The following CELA3B variants were observed in gnomAD, a reference collection of about 807,000 sequenced individuals.
The protein encoded by CELA3B is chymotrypsin-like elastase family member 3B.
In CELA3B, 34 loss-of-function variants were observed where a neutral mutation model predicts 37.2. The ratio of observed to expected loss-of-function variants is 0.91; its 90% CI spans 0.70 to 1.22. The LOEUF (loss-of-function observed/expected upper bound fraction) is 1.22, where lower values mean the gene tolerates loss of function less well. CELA3B is among the 50% of genes most tolerant of loss of function. CELA3B has a pLI of 0.00. For synonymous variants in CELA3B, 127 were observed against 143.5 expected (o/e 0.89, Z 0.82); for missense variants, 340 against 363.1 (o/e 0.94, Z 0.52).
chr1:21,991,594 C>T (rs539307906), downstream of CELA3B, among the ~76,000 whole-genome samples: 12 of 151,042 alleles, frequency 7.9e-5, no homozygotes, highest in Middle Eastern at 3.4e-3. Flanking sequence ...CCTTGGCCTC[C>T]CAAAGTGCTG....
chr1:21,986,255 G>C (rs1013905199), intron 6 of CELA3B, among the ~76,000 whole-genome samples: 1 of 151,902 alleles, frequency 6.6e-6, no homozygotes, highest in Non-Finnish European at 1.5e-5. Context: ...TGTAATCCCA[G>C]CTACTTAGGA....
At position 21,984,255 on chromosome 1, in the gene CELA3B, C is replaced by G. The variant is rs749903508; in HGVS notation, c.566C>G (p.Ser189Cys). 1 of 1,614,164 alleles carries G rather than the reference C, an allele frequency of 6.2e-7. No individual in the cohort carries two copies. The highest frequency in any genetic ancestry group is 1.1e-5 in the South Asian group (1 of 91,080). Residue 189 changes from serine to cysteine, a missense_variant, in exon 6 of 8, where the codon TCC (serine) becomes TGC (cysteine). By Grantham distance (112) the Ser-to-Cys change is moderately radical (BLOSUM62 -1). Coordinates refer to ENST00000337107, the MANE Select transcript of CELA3B (RefSeq NM_007352.4). ...CCGGTGGTGGACTATGAACACTGCT[C>G]CAGGTGGAACTGGTGGGGTTCCTCC... Reference protein sequence around the residue: ...LLPVVDYEHCSRWNWWGSSVK... With the variant: ...LLPVVDYEHCCRWNWWGSSVK...
At position 21,998,327 on chromosome 1, in the gene CELA3B, C is replaced by G. The variant is rs1328450263; in HGVS notation, c.*138C>G. 4.0e-5 allele frequency: 17 copies of G among 424,234 alleles called. 1 individual carries two copies. In the East Asian group the frequency reaches 1.1e-3, roughly 27 times the overall value. The allele number at this position is 424,234 out of a possible 1,614,324, so 26.3% of individuals were successfully genotyped here. ...CCTTTAGTTCTTCACTGAGTGCCCA[C>G]TGGGTTATATTCTGGGAGCCGAGGC... On this transcript the variant is annotated 3_prime_UTR_variant, in exon 5 of 5. Transcript: ENST00000400277.
At chr1:21,985,452 A>AT (rs1419200894) in intron 6 of CELA3B, among the ~76,000 whole-genome samples, 1 of 151,926 alleles carries the variant, frequency 6.6e-6, no homozygotes. Flanking sequence ...TAATTTTAAA[A>AT]TTTTTTGTAG....
At chr1:21,987,112 A>T (rs1644843084) in intron 7 of CELA3B, 1 of 363,856 alleles carries the variant, frequency 2.7e-6, no homozygotes, top group South Asian at 2.2e-5. Context: ...GAGGACTAAT[A>T]ACACTCCTGA....
In CELA3B at chr1:21,989,087, C is replaced by T. The variant is rs548248016; in HGVS notation, c.796-175C>T. On this transcript the variant is annotated intron_variant, in intron 7 of 7. Coordinates refer to ENST00000337107, the MANE Select transcript of CELA3B (RefSeq NM_007352.4). ...TTAACAATTTAATCAAGAACCCCCC[C>T]ATGAGGTAAGTTCTATCATTATCCC... 3.9e-5 allele frequency among the ~76,000 whole-genome samples: 6 copies of T among 152,050 alleles called. No homozygotes were observed. In the South Asian group the frequency reaches 1.2e-3, roughly 32 times the overall value.
Position 21,983,816 on chromosome 1 carries a change from G to A in CELA3B, c.485G>A (p.Trp162Ter), listed in dbSNP as rs1377879790. The change falls in exon 5 of 8, where the codon TGG becomes TAG. Residue 162 changes from tryptophan to a stop codon, truncating the protein, a stop_gained. Transcript: ENST00000337107. LOFTEE classifies it high-confidence loss of function. ...PNETPCYITG[W>*]GRLYTNGPLP... ...GAGACACCCTGCTACATCACCGGCT[G>A]GGGCCGTCTCTATAGTACGTGCTGA... is the stretch of plus-strand genomic sequence containing the variant. 2.5e-6 allele frequency: 4 copies of A among 1,614,032 alleles called. No homozygotes were observed. The highest frequency in any genetic ancestry group is 3.4e-6 in the Non-Finnish European group (4 of 1,179,996).
chr1:21,996,320 C>A (rs1419697651), intron 4 of CELA3B, among the ~76,000 whole-genome samples: 1 of 151,104 alleles, frequency 6.6e-6, no homozygotes, highest in Non-Finnish European at 1.5e-5. Flanking sequence ...AAAGACCTTG[C>A]TGATAAAACA....
Position 21,989,111 on chromosome 1 carries a change from C to G in CELA3B, c.796-151C>G, listed in dbSNP as rs114900276. The stretch of plus-strand genomic sequence containing the variant: ...CCATGAGGTAAGTTCTATCATTATC[C>G]CTACTACATAGAGGAGGAAACTGAG... On this transcript the variant is annotated intron_variant, in intron 7 of 7. Transcript: ENST00000337107. 3,677 of 1,465,862 alleles carry G rather than the reference C, an allele frequency of 2.5e-3. 2 individuals carry two copies. In the African/African-American group the frequency reaches 0.047, roughly 19 times the overall value. The allele number at this position is 1,465,862 out of a possible 1,614,324, so 90.8% of individuals were successfully genotyped here. A position where few individuals can be genotyped will look rare whatever the true frequency, so the allele number is the denominator to read the frequency against.
In CELA3B at chr1:21,983,807, TCAC is replaced by T. The variant is rs755133947; in HGVS notation, c.478_480del (p.Thr160del). 1 of 1,613,908 alleles carries T rather than the reference TCAC, an allele frequency of 6.2e-7. No individual in the cohort carries two copies. The highest frequency in any genetic ancestry group is 1.3e-5 in the African/African-American group (1 of 74,900). ...CTTCCCAACGAGACACCCTGCTACA[TCAC>T]CGGCTGGGGCCGTCTCTATAGTACG... On this transcript the variant is annotated inframe_deletion, in exon 5 of 8. Coordinates refer to ENST00000337107, the MANE Select transcript of CELA3B (RefSeq NM_007352.4).
At chr1:21,979,692 G>T (rs1282142485) in intron 2 of CELA3B, among the ~76,000 whole-genome samples, 1 of 150,900 alleles carries the variant, frequency 6.6e-6, no homozygotes, top group Non-Finnish European at 1.5e-5. Flanking sequence ...GAGCTCCAGT[G>T]ATCCTCCTGT....
intron 7 of CELA3B, among the ~76,000 whole-genome samples, chr1:21,988,300 A>G (rs1323081886): frequency 1.3e-5 from 2 of 151,028 alleles, no homozygotes; most frequent in Non-Finnish European, 2.9e-5. Flanking sequence ...TTAAAAAAAT[A>G]TATATATAAG....
intron 7 of CELA3B, among the ~76,000 whole-genome samples, chr1:21,989,060 A>T (rs940938325): frequency 4.6e-5 from 7 of 151,972 alleles, no homozygotes; most frequent in Non-Finnish European, 7.3e-5. Flanking sequence ...AGAGAACCTT[A>T]GTTAACAATT....
chr1:21,981,025 C>T lies in CELA3B; in HGVS notation c.228-13C>T. On this transcript the variant is annotated splice_polypyrimidine_tract_variant and intron_variant, in intron 3 of 7. Coordinates refer to ENST00000337107, the MANE Select transcript of CELA3B (RefSeq NM_007352.4). Reference sequence around the variant, plus strand: ...GCCAGTCAGGCCCAGACTGACCTCACCTCCGCCCGCAGGAGCTCCCGGACC... The same window carrying T: ...GCCAGTCAGGCCCAGACTGACCTCATCTCCGCCCGCAGGAGCTCCCGGACC... The T allele has an allele frequency of 8.1e-6, 13 of 1,614,072 alleles. No individual in the cohort carries two copies. The highest frequency in any genetic ancestry group is 1.1e-5 in the South Asian group (1 of 91,062).
At chr1:21,989,999 A>T (rs1418430766), downstream of CELA3B, among the ~76,000 whole-genome samples, 8 of 150,994 alleles carry the variant, frequency 5.3e-5, no homozygotes, top group Admixed American at 1.3e-4. Context: ...ACTTAAAATC[A>T]TGGTGGAAGA....
At position 21,986,697 on chromosome 1, in the gene CELA3B, G is replaced by C. The variant is rs775183395; in HGVS notation, c.795+14G>C. 8.1e-6 allele frequency: 13 copies of C among 1,610,108 alleles called. No homozygotes were observed. Among genetic ancestry groups the C allele is most frequent in the Admixed American group, 3.4e-5 (2 of 59,044 alleles). On this transcript the variant is annotated intron_variant, in intron 7 of 7. Coordinates refer to ENST00000337107, the MANE Select transcript of CELA3B (RefSeq NM_007352.4). ...TGGATTGAGGAGGTGAGGAGGGCAG[G>C]GCGGCCCGGAGGGCTTTAGGGTGGT...
chr1:21,997,450 G>C (rs1239917040), intron 4 of CELA3B, among the ~76,000 whole-genome samples: 1 of 150,796 alleles, frequency 6.6e-6, no homozygotes. Context: ...CACTTTGGGA[G>C]GCCAAGGTGG....
At chr1:21,984,110 C>T (rs910557192) in intron 5 of CELA3B, 79 bp from the exon 6 acceptor site, 31 of 1,515,768 alleles carry the variant, frequency 2.0e-5, no homozygotes, top group South Asian at 1.2e-4. Context: ...AAGAACTGTG[C>T]GCCTTGGATG....
chr1:21,995,941 G>T (rs112540498), intron 4 of CELA3B, among the ~76,000 whole-genome samples: 700 of 140,488 alleles, frequency 5.0e-3, no homozygotes, highest in Admixed American at 7.6e-3. Flanking sequence ...CAGGCTGGGC[G>T]CAGTGGCTCA....
Sources: allele counts gnomAD v4.1 joint callset (sites outside exome capture counted in the v4.1 genomes callset), GRCh38; gene constraint gnomAD v4.1.1; transcripts MANE v1.5; gene names NCBI Gene and HGNC (gene_info 2026-07-23, HGNC 2026-07-21).